SH2D4B: variants seen among roughly 807,000 people sequenced by gnomAD.
SH2D4B encodes the protein SH2 domain containing 4B.
A neutral mutation model predicts 61.5 loss-of-function variants in SH2D4B; 45 were observed. The ratio of observed to expected loss-of-function variants is 0.73; its 90% CI spans 0.58 to 0.94. The LOEUF is 0.94. Among genes scored for constraint, SH2D4B ranks in the 40% least tolerant of loss-of-function variants. The pLI, the probability that SH2D4B is intolerant of heterozygous loss-of-function variation, is 0.00. For synonymous variants in SH2D4B, 224 were observed against 220.4 expected (o/e 1.02, Z -0.14); for missense variants, 572 against 574.2 (o/e 1.00, Z 0.04).
chr10:80,546,073 C>A (rs1403478587), intron 1 of SH2D4B, among the ~76,000 whole-genome samples: 1 of 118,470 alleles, frequency 8.4e-6, no homozygotes, highest in Non-Finnish European at 1.6e-5. Flanking sequence ...TAGACAAGGT[C>A]TTGCTCTGTC....
In SH2D4B at chr10:80,634,531, G is replaced by A. The variant is rs180766868; in HGVS notation, c.1209+26G>A. The A allele has an allele frequency of 1.0e-5, 16 of 1,545,100 alleles. No individual in the cohort carries two copies. In the African/African-American group the frequency reaches 1.1e-4, roughly 11 times the overall value. On this transcript the variant is annotated intron_variant, in intron 7 of 7. Transcript: ENST00000646907. Reference sequence around the variant, plus strand: ...GTATCCCTCACAGGGATACTAATGGGGGGGAGGGGGAACTGGTGGAAATTG... The same window carrying A: ...GTATCCCTCACAGGGATACTAATGGAGGGGAGGGGGAACTGGTGGAAATTG...
intron 6 of SH2D4B, among the ~76,000 whole-genome samples, chr10:80,612,112 G>C (rs1303759519): frequency 6.7e-6 from 1 of 149,998 alleles, no homozygotes; most frequent in African/African-American, 2.5e-5. Context: ...AGTAAGTCAT[G>C]GTTATTTTTA....
At chr10:80,620,056 G>A (rs1842701346) in intron 6 of SH2D4B, among the ~76,000 whole-genome samples, 1 of 152,198 alleles carries the variant, frequency 6.6e-6, no homozygotes, top group African/African-American at 2.4e-5. Context: ...TAGGCTTTGT[G>A]GCAGGAACAG....
chr10:80,562,607 C>T (rs2132113053), intron 1 of SH2D4B, among the ~76,000 whole-genome samples: 1 of 152,306 alleles, frequency 6.6e-6, no homozygotes, highest in African/African-American at 2.4e-5. Context: ...AACTCTTCAG[C>T]ATACGGATTT....
chr10:80,540,290 C>T lies in SH2D4B; in HGVS notation c.184+1775C>T, dbSNP rs148691313. On this transcript the variant is annotated intron_variant, in intron 1 of 7. Transcript: ENST00000646907. ...CTTCGGTCCTGCCTTTTGGAACTGTCTGGGCATGCCACTGGGGAGCCTGGG... is the reference window on the plus strand; with the variant it reads ...CTTCGGTCCTGCCTTTTGGAACTGTTTGGGCATGCCACTGGGGAGCCTGGG... Among the ~76,000 whole-genome samples, 25 of 152,308 alleles carry T rather than the reference C, an allele frequency of 1.6e-4. No individual in the cohort carries two copies. In the East Asian group the frequency reaches 4.8e-3, roughly 29 times the overall value.
At chr10:80,562,085 C>T (rs1841908370) in intron 1 of SH2D4B, among the ~76,000 whole-genome samples, 1 of 151,444 alleles carries the variant, frequency 6.6e-6, no homozygotes, top group Non-Finnish European at 1.5e-5. Context: ...TCCAAAATCT[C>T]CTAATCCCCC....
chr10:80,580,715 A>T (rs149692680), intron 3 of SH2D4B, among the ~76,000 whole-genome samples: 1 of 152,144 alleles, frequency 6.6e-6, no homozygotes, highest in Non-Finnish European at 1.5e-5. Flanking sequence ...TAGAAAAGGC[A>T]TTTGTCTTGA....
intron 3 of SH2D4B, 29 bp downstream of exon 3, chr10:80,571,607 C>G (rs1018217831): frequency 1.9e-6 from 3 of 1,610,230 alleles, no homozygotes; most frequent in Non-Finnish European, 2.5e-6. Context: ...CCCCTGCGTG[C>G]GGCCACCTAA....
Position 80,645,614 on chromosome 10 carries a change from ACC to A in SH2D4B, c.*1530_*1531del, listed in dbSNP as rs1338911933. Reference sequence around the variant, plus strand: ...AGATCGAGCAACCAGTCATGATGAAACCAAGTGGTGGCCGGATCAGTATGACA... The same window carrying A: ...AGATCGAGCAACCAGTCATGATGAAAAAGTGGTGGCCGGATCAGTATGACA... On this transcript the variant is annotated 3_prime_UTR_variant, in exon 8 of 8. Transcript: ENST00000646907. 1 of 152,168 alleles carries A rather than the reference ACC, an allele frequency of 6.6e-6. No individual in the cohort carries two copies. The highest frequency in any genetic ancestry group is 2.4e-5 in the African/African-American group (1 of 41,434). 9.4% of individuals were successfully genotyped at this position (152,168 alleles called of 1,614,324 possible).
At chr10:80,560,715 T>TC (rs1841893116) in intron 1 of SH2D4B, among the ~76,000 whole-genome samples, 1 of 148,122 alleles carries the variant, frequency 6.8e-6, no homozygotes, top group Non-Finnish European at 1.5e-5. Flanking sequence ...TTTTTTTTTT[T>TC]TTTTTTAGGA....
Position 80,571,612 on chromosome 10 carries a change from A to C in SH2D4B, c.495+34A>C. The C allele has an allele frequency of 3.1e-6, 5 of 1,610,560 alleles. No individual in the cohort carries two copies. The South Asian group carries it at 5.5e-5, about 18-fold the overall frequency. On this transcript the variant is annotated intron_variant, in intron 3 of 7. Coordinates refer to ENST00000646907, the MANE Select transcript of SH2D4B (RefSeq NM_001388272.1). ...GCGCATGGGGCCCCTGCGTGCGGCC[A>C]CCTAATTAGCCCCTGAGACCACTGG...
intron 6 of SH2D4B, among the ~76,000 whole-genome samples, chr10:80,626,292 C>T (rs1209316782): frequency 6.6e-6 from 1 of 151,366 alleles, no homozygotes; most frequent in Non-Finnish European, 1.5e-5. Context: ...TTTCTCTCAG[C>T]ATACTTGAAA....
intron 6 of SH2D4B, 48 bp from the exon 7 acceptor site, chr10:80,634,237 A>G: frequency 5.4e-6 from 8 of 1,474,982 alleles, no homozygotes; most frequent in East Asian, 5.0e-5. Flanking sequence ...TGGGGGAGGC[A>G]GTCGCAGAAC....
intron 6 of SH2D4B, among the ~76,000 whole-genome samples, chr10:80,619,924 T>G (rs927368299): frequency 9.2e-5 from 14 of 152,208 alleles, no homozygotes; most frequent in African/African-American, 3.4e-4. Context: ...AGCCACTCCT[T>G]ACCCTCCACA....
At chr10:80,605,794 C>T (rs1239222622) in intron 5 of SH2D4B, among the ~76,000 whole-genome samples, 3 of 152,238 alleles carry the variant, frequency 2.0e-5, no homozygotes, top group East Asian at 3.8e-4. Flanking sequence ...CCTGGGATTA[C>T]AGGTGTGAGC....
chr10:80,601,083 C>T (rs1842448155), intron 4 of SH2D4B, among the ~76,000 whole-genome samples: 1 of 152,176 alleles, frequency 6.6e-6, no homozygotes. Context: ...ACTTGGCAGA[C>T]ACAAGGCCCT....
chr10:80,602,902 G>T (rs972608212), intron 4 of SH2D4B, among the ~76,000 whole-genome samples: 1 of 152,094 alleles, frequency 6.6e-6, no homozygotes, highest in Admixed American at 6.5e-5. Flanking sequence ...GGAAAGAACA[G>T]TGTGGGTTTT....
At chr10:80,614,547 TG>T (rs1842638540) in intron 6 of SH2D4B, among the ~76,000 whole-genome samples, 2 of 152,236 alleles carry the variant, frequency 1.3e-5, no homozygotes, top group Admixed American at 1.3e-4. Flanking sequence ...ATGGGGATTC[TG>T]AAGAAACACA....
intron 4 of SH2D4B, among the ~76,000 whole-genome samples, chr10:80,601,250 A>G (rs1842449593): frequency 6.6e-6 from 1 of 152,200 alleles, no homozygotes; most frequent in South Asian, 2.1e-4. Flanking sequence ...TCCCACACCC[A>G]GTCAAATTAT....
Sources: allele counts gnomAD v4.1 joint callset (sites outside exome capture counted in the v4.1 genomes callset), GRCh38; gene constraint gnomAD v4.1.1; transcripts MANE v1.5; gene names NCBI Gene and HGNC (gene_info 2026-07-23, HGNC 2026-07-21).